Variants in NRG1 observed in about 807,000 individuals in gnomAD.
NRG1 encodes pro-neuregulin-1, membrane-bound isoform.
In NRG1, 18 loss-of-function variants were observed where a neutral mutation model predicts 63.8. The ratio of observed to expected loss-of-function variants is 0.28; its 90% CI spans 0.19 to 0.42. The LOEUF is 0.42. NRG1 is among the 10% of genes least tolerant of loss of function. The probability of loss-of-function intolerance (pLI) is 1.00; values close to 1 mark genes in which losing one functional copy is unlikely to be tolerated. For synonymous variants in NRG1, 302 were observed against 301.3 expected (o/e 1.00, Z -0.02); for missense variants, 762 against 814.7 (o/e 0.94, Z 0.79).
chr8:32,764,629 T>C (rs1050982842), exon 12 of NRG1: 10 of 389,900 alleles, frequency 2.6e-5, no homozygotes, highest in African/African-American at 1.7e-4. Context: ...CTTTATGTTA[T>C]GTTATGTCGA....
chr8:32,278,533 A>G (rs1028942402), intron 1 of NRG1, among the ~76,000 whole-genome samples: 9 of 152,190 alleles, frequency 5.9e-5, no homozygotes, highest in African/African-American at 2.2e-4. Context: ...AGGAATTTCA[A>G]TTCTTGGGTT....
At chr8:32,029,039 T>A (rs1586591901) in intron 1 of NRG1, among the ~76,000 whole-genome samples, 1 of 152,230 alleles carries the variant, frequency 6.6e-6, no homozygotes, top group East Asian at 1.9e-4. Flanking sequence ...AACAAGGTTT[T>A]TGTTAAAACC....
At chr8:32,339,589 A>C (rs1459555150) in intron 1 of NRG1, among the ~76,000 whole-genome samples, 1 of 152,118 alleles carries the variant, frequency 6.6e-6, no homozygotes, top group Non-Finnish European at 1.5e-5. Context: ...TTTAATGAGG[A>C]CTTTTCATAT....
intron 1 of NRG1, among the ~76,000 whole-genome samples, chr8:31,808,851 G>A (rs892537561): frequency 6.6e-6 from 1 of 151,902 alleles, no homozygotes; most frequent in Admixed American, 6.6e-5. Context: ...TGAACATAAG[G>A]TGTCTATTTT....
chr8:32,767,422 T>C (rs12542701), exon 12 of NRG1: 7 of 152,198 alleles, frequency 4.6e-5, no homozygotes, highest in Admixed American at 4.6e-4. Context: ...CAGCCAGAGA[T>C]TTCTATCTGC....
At chr8:32,085,135 T>C (rs1032515663) in intron 1 of NRG1, among the ~76,000 whole-genome samples, 32 of 152,236 alleles carry the variant, frequency 2.1e-4, no homozygotes, top group Non-Finnish European at 2.5e-4. Flanking sequence ...CTATATCCTT[T>C]GCTTTTGACA....
intron 1 of NRG1, among the ~76,000 whole-genome samples, chr8:32,208,526 G>A (rs957849444): frequency 6.6e-6 from 1 of 151,966 alleles, no homozygotes; most frequent in Non-Finnish European, 1.5e-5. Context: ...CCAAAGTGCT[G>A]GGATTACAGG....
intron 1 of NRG1, among the ~76,000 whole-genome samples, chr8:32,151,920 G>A (rs896832016): frequency 4.0e-5 from 6 of 151,800 alleles, no homozygotes; most frequent in Non-Finnish European, 7.4e-5. Context: ...AAGTGGGAGC[G>A]CTTCAGAAAG....
At chr8:31,835,807 TTA>T (rs1229083467) in intron 1 of NRG1, among the ~76,000 whole-genome samples, 3 of 152,172 alleles carry the variant, frequency 2.0e-5, no homozygotes, top group Non-Finnish European at 4.4e-5. Flanking sequence ...TTGTCTCAGT[TTA>T]TAGAGTCTGC....
At chr8:32,611,408 A>G (rs1028807251) in intron 3 of NRG1, among the ~76,000 whole-genome samples, 1 of 152,140 alleles carries the variant, frequency 6.6e-6, no homozygotes, top group Admixed American at 6.5e-5. Flanking sequence ...AACAACCTGC[A>G]GTTATGTTGA....
intron 1 of NRG1, among the ~76,000 whole-genome samples, chr8:32,217,271 A>G (rs1845345465): frequency 6.6e-6 from 1 of 151,406 alleles, no homozygotes; most frequent in Non-Finnish European, 1.5e-5. Flanking sequence ...GAAAGCCTGC[A>G]GAGCCCAGAA....
chr8:31,851,203 C>A (rs952885240), intron 1 of NRG1, among the ~76,000 whole-genome samples: 1 of 152,170 alleles, frequency 6.6e-6, no homozygotes, highest in Non-Finnish European at 1.5e-5. Context: ...ATCTATATTG[C>A]TAATTAAAAA....
intron 1 of NRG1, among the ~76,000 whole-genome samples, chr8:32,282,672 AAC>A (rs1853012087): frequency 6.6e-6 from 1 of 152,210 alleles, no homozygotes; most frequent in African/African-American, 2.4e-5. Context: ...TTTGTCTCAT[AAC>A]CTGGGATTTA....
intron 5 of NRG1, among the ~76,000 whole-genome samples, chr8:32,684,773 A>G (rs1305184026): frequency 6.6e-6 from 1 of 152,146 alleles, no homozygotes; most frequent in East Asian, 1.9e-4. Context: ...TGAGATAGCT[A>G]GGAAATTAGT....
intron 1 of NRG1, among the ~76,000 whole-genome samples, chr8:32,148,467 C>T (rs912585357): frequency 1.3e-5 from 2 of 152,182 alleles, no homozygotes; most frequent in Non-Finnish European, 2.9e-5. Context: ...GGCGCGATCT[C>T]GGCTCACTGC....
chr8:32,585,039 T>G (rs1185013158), intron 1 of NRG1, among the ~76,000 whole-genome samples: 1 of 152,158 alleles, frequency 6.6e-6, no homozygotes, highest in Non-Finnish European at 1.5e-5. Flanking sequence ...ATCAAAATCA[T>G]GTTAATGTGC....
intron 1 of NRG1, among the ~76,000 whole-genome samples, chr8:32,573,258 T>C (rs1838974598): frequency 6.6e-6 from 1 of 152,248 alleles, no homozygotes; most frequent in African/African-American, 2.4e-5. Context: ...TGATGACTTA[T>C]TGACTCGATA....
At chr8:31,766,186 C>A (rs1345066824) in intron 1 of NRG1, among the ~76,000 whole-genome samples, 1 of 151,886 alleles carries the variant, frequency 6.6e-6, no homozygotes, top group Admixed American at 6.6e-5. Flanking sequence ...AGTAAGAAAG[C>A]TTTTATGGAG....
chr8:31,928,780 T>C (rs755009206), intron 1 of NRG1, among the ~76,000 whole-genome samples: 1 of 152,054 alleles, frequency 6.6e-6, no homozygotes, highest in Non-Finnish European at 1.5e-5. Context: ...GAATCAAAAA[T>C]CAGATAACAC....
Sources: allele counts gnomAD v4.1 joint callset (sites outside exome capture counted in the v4.1 genomes callset), GRCh38; gene constraint gnomAD v4.1.1; transcripts MANE v1.5; gene names NCBI Gene and HGNC (gene_info 2026-07-23, HGNC 2026-07-21).